The following CABIN1 variants were observed in gnomAD, a reference collection of about 807,000 sequenced individuals.
The protein encoded by CABIN1 is calcineurin binding protein 1.
A neutral mutation model predicts 227.7 loss-of-function variants in CABIN1; 133 were observed. That is an observed-to-expected ratio of 0.58 (90% confidence interval 0.51 to 0.67). CABIN1 has a LOEUF of 0.67. Ranked by LOEUF, CABIN1 falls within the 30% of genes least tolerant of loss-of-function variation. The pLI, the probability that CABIN1 is intolerant of heterozygous loss-of-function variation, is 0.00. For synonymous variants in CABIN1, 1,086 were observed against 1,155.1 expected (o/e 0.94, Z 1.21); for missense variants, 2,408 against 2,852.5 (o/e 0.84, Z 3.55).
At chr22:24,172,056 C>A in intron 34 of CABIN1, 61 bp downstream of exon 34, 2 of 1,556,158 alleles carry the variant, frequency 1.3e-6, no homozygotes, top group East Asian at 2.4e-5. Context: ...GTCCTCCCTG[C>A]GGGGAGAGTG....
Position 24,056,300 on chromosome 22 carries a change from A to C in CABIN1, c.1202A>C (p.Lys401Thr). 2 of 1,614,050 alleles carry C rather than the reference A, an allele frequency of 1.2e-6. No individual in the cohort carries two copies. Among genetic ancestry groups the C allele is most frequent in the Non-Finnish European group, 1.7e-6 (2 of 1,179,890 alleles). Residue 401 changes from lysine to threonine, a missense_variant, in exon 10 of 37, where the codon AAG (lysine) becomes ACG (threonine). This residue lies in a region of CABIN1 where 1,045 missense variants were observed against 1,168.4 expected (regional missense o/e 0.89). Coordinates refer to ENST00000263119, the MANE Select transcript of CABIN1 (RefSeq NM_012295.4). ...KRRSARVRNTKCKKEEKVDFQ... is the reference protein window; with the variant it reads ...KRRSARVRNTTCKKEEKVDFQ... ...CGGTCTGCCCGTGTCCGAAACACCA[A>C]GTGCAAAAAAGAAGAGAAAGTAGAC...
intron 8 of CABIN1, among the ~76,000 whole-genome samples, chr22:24,052,207 A>G (rs2038389188): frequency 6.6e-6 from 1 of 152,156 alleles, no homozygotes; most frequent in Non-Finnish European, 1.5e-5. Flanking sequence ...GCCACCCTCC[A>G]TGGTGTAGGG....
At chr22:24,081,735 A>T (rs937989446) in intron 19 of CABIN1, among the ~76,000 whole-genome samples, 6 of 150,856 alleles carry the variant, frequency 4.0e-5, no homozygotes, top group African/African-American at 1.5e-4. Context: ...TATTATTTTT[A>T]AAAATTTTGG....
rs375962571 is a variant in CABIN1 at position 24,024,757 on chromosome 22, C to T, written c.-74-10687C>T. On this transcript the variant is annotated intron_variant, in intron 1 of 36. Transcript: ENST00000263119. ...TGGATAATTTCAATTGCCTTTCCTT[C>T]ACATTCGCTGACCATTTATTTCGCC... Among the ~76,000 whole-genome samples the T allele has an allele frequency of 5.9e-4, 90 of 152,202 alleles. 1 individual carries two copies. The South Asian group carries it at 0.018, about 30-fold the overall frequency.
chr22:24,053,101 A>T, intron 8 of CABIN1, among the ~76,000 whole-genome samples: 1 of 135,748 alleles, frequency 7.4e-6, no homozygotes, highest in Non-Finnish European at 1.5e-5. Context: ...TTTTTGAGAC[A>T]GAGTCTCACT....
intron 21 of CABIN1, 38 bp downstream of exon 21, chr22:24,084,823 G>A: frequency 6.2e-7 from 1 of 1,601,374 alleles, no homozygotes; most frequent in Non-Finnish European, 8.6e-7. Flanking sequence ...GGACAGGGCT[G>A]GGTCACACTC....
chr22:24,032,687 A>T (rs2036580946), intron 1 of CABIN1, among the ~76,000 whole-genome samples: 2 of 152,162 alleles, frequency 1.3e-5, no homozygotes, highest in Non-Finnish European at 2.9e-5. Context: ...AACAGCCTAG[A>T]TGGAGGGTTT....
rs1479459149 is a variant in CABIN1 at position 24,166,845 on chromosome 22, AGAC to A, written c.5215_5217del (p.Asp1739del). On this transcript the variant is annotated inframe_deletion, in exon 32 of 37. Transcript: ENST00000263119. ...ACCGGCCTGTGGCCATGGATGCAGGAGACAGTGCAGACCAAAGCGGGGAGCGGA... is the reference window on the plus strand; with the variant it reads ...ACCGGCCTGTGGCCATGGATGCAGGAAGTGCAGACCAAAGCGGGGAGCGGA... The A allele has an allele frequency of 6.2e-7, 1 of 1,612,960 alleles. No individual in the cohort carries two copies. The highest frequency in any genetic ancestry group is 8.5e-7 in the Non-Finnish European group (1 of 1,179,936).
intron 3 of CABIN1, among the ~76,000 whole-genome samples, chr22:24,037,112 T>G (rs550602810): frequency 1.3e-5 from 2 of 151,848 alleles, no homozygotes; most frequent in Non-Finnish European, 2.9e-5. Flanking sequence ...GTATAAAAAT[T>G]AGCTGGGCGT....
At chr22:24,093,132 A>G (rs2041659756) in intron 24 of CABIN1, among the ~76,000 whole-genome samples, 1 of 152,230 alleles carries the variant, frequency 6.6e-6, no homozygotes, top group East Asian at 1.9e-4. Context: ...CAGGTTGTTT[A>G]GCATTCTGAT....
intron 28 of CABIN1, among the ~76,000 whole-genome samples, chr22:24,123,028 ACCCTGTC>A (rs1475688885): frequency 3.3e-5 from 5 of 151,694 alleles, no homozygotes; most frequent in Non-Finnish European, 5.9e-5. Flanking sequence ...CATTCCCCAC[ACCCTGTC>A]CACACTCATA....
chr22:24,122,004 A>G (rs1308897044), intron 28 of CABIN1, among the ~76,000 whole-genome samples: 1 of 152,180 alleles, frequency 6.6e-6, no homozygotes, highest in Non-Finnish European at 1.5e-5. Flanking sequence ...GGAAGTGGGG[A>G]AGGACAGCAG....
chr22:24,101,516 AC>A (rs1713867330), intron 26 of CABIN1, among the ~76,000 whole-genome samples: 1 of 152,148 alleles, frequency 6.6e-6, no homozygotes, highest in Non-Finnish European at 1.5e-5. Flanking sequence ...CCAGCCCTTC[AC>A]GGAACAGCCA....
At chr22:24,054,386 T>C (rs2038610603) in intron 8 of CABIN1, among the ~76,000 whole-genome samples, 1 of 152,184 alleles carries the variant, frequency 6.6e-6, no homozygotes, top group South Asian at 2.1e-4. Context: ...GGTAATCCAC[T>C]GAGGTGCTGC....
intron 28 of CABIN1, among the ~76,000 whole-genome samples, chr22:24,132,312 G>A (rs1260949755): frequency 6.6e-6 from 1 of 152,114 alleles, no homozygotes; most frequent in Non-Finnish European, 1.5e-5. Flanking sequence ...GCTAATCTTT[G>A]GTTTTATTCC....
rs1204832884 is a variant in CABIN1, at chr22:24,084,776, T to G, written c.3108T>G (p.Thr1036=). The change falls in exon 21 of 37, where the codon ACT becomes ACG. Residue 1036 remains threonine, a synonymous_variant. Transcript: ENST00000263119. ...AAGTCTCTGCCTACATTGAGGGAAC[T>G]TCAACTGAGGTGGGCCCACAACCTT... is the stretch of plus-strand genomic sequence containing the variant. The part of the protein sequence containing the change: ...LDKVSAYIEG[T]STEVPCLPEG... 1 of 1,614,012 alleles carries G rather than the reference T, an allele frequency of 6.2e-7. No individual in the cohort carries two copies. Among genetic ancestry groups the G allele is most frequent in the Non-Finnish European group, 8.5e-7 (1 of 1,179,982 alleles).
intron 19 of CABIN1, 83 bp from the exon 20 acceptor site, chr22:24,083,145 G>A: frequency 7.9e-6 from 11 of 1,389,958 alleles, no homozygotes; most frequent in Non-Finnish European, 1.1e-5. Flanking sequence ...TTGATAGAGT[G>A]GTGGTTTCTC....
chr22:24,150,505 G>T lies in CABIN1; in HGVS notation c.4747-13895G>T, dbSNP rs539306900. Among the ~76,000 whole-genome samples, 9 of 152,334 alleles carry T rather than the reference G, an allele frequency of 5.9e-5. No homozygotes were observed. The South Asian group carries it at 1.4e-3, about 25-fold the overall frequency. ...GGCTGCCTGCCACCACCATCAGCAG[G>T]CCGGCTCTGTTCTAGGCAGTGAAAC... On this transcript the variant is annotated intron_variant, in intron 29 of 36. Transcript: ENST00000263119.
chr22:24,056,448 C>A, intron 10 of CABIN1, 88 bp downstream of exon 10: 1 of 1,307,708 alleles, frequency 7.6e-7, no homozygotes, highest in Non-Finnish European at 1.1e-6. Flanking sequence ...CATTGCCACC[C>A]TCTTCTCTGG....
Sources: allele counts gnomAD v4.1 joint callset (sites outside exome capture counted in the v4.1 genomes callset), GRCh38; gene constraint gnomAD v4.1.1; regional missense constraint gnomAD v4.1.1; transcripts MANE v1.5; gene names NCBI Gene and HGNC (gene_info 2026-07-23, HGNC 2026-07-21).